The following NMBR variants were observed in gnomAD, a reference collection of about 807,000 sequenced individuals.
The protein encoded by NMBR is neuromedin B receptor, also known as neuromedin-B receptor.
NMBR carries 16 observed loss-of-function variants against 20.5 expected under a neutral mutation model. That is an observed-to-expected ratio of 0.78 (90% confidence interval 0.53 to 1.19). The LOEUF is 1.19. Ranked by LOEUF, NMBR falls within the 50% of genes most tolerant of loss-of-function variation. The probability of loss-of-function intolerance (pLI) is 0.00; values close to 1 mark genes in which losing one functional copy is unlikely to be tolerated. For missense variants in NMBR, 582 were observed against 499.1 expected, an observed-to-expected ratio of 1.17 and a Z score of -1.58; for synonymous variants, 212 against 196.6, an observed-to-expected ratio of 1.08 and a Z score of -0.65.
At position 142,075,712 on chromosome 6, in the gene NMBR, T is replaced by C. The variant is rs754728630; in HGVS notation, c.1109A>G (p.Lys370Arg). ...TAAAACAGAATTGGTCACCATGTTC[T>C]TAGCATTGCTTTTCAGAGATGTCAT... ...VRMTSLKSNAKNMVTNSVLLN... is the reference protein window; with the variant it reads ...VRMTSLKSNARNMVTNSVLLN... The change falls in exon 4 of 4, where the codon AAG (lysine) becomes AGG (arginine). Residue 370 changes from lysine to arginine, a missense_variant. Transcript: ENST00000258042. 1.9e-6 allele frequency: 3 copies of C among 1,613,978 alleles called. No homozygotes were observed. Among genetic ancestry groups the C allele is most frequent in the African/African-American group, 2.7e-5 (2 of 75,052 alleles).
At chr6:142,080,806 G>A (rs1044519031) in intron 2 of NMBR, among the ~76,000 whole-genome samples, 1 of 152,100 alleles carries the variant, frequency 6.6e-6, no homozygotes, top group Non-Finnish European at 1.5e-5. Flanking sequence ...AGGGCAGAGA[G>A]GTTATCACTA....
intron 2 of NMBR, among the ~76,000 whole-genome samples, chr6:142,083,283 T>C (rs1298482743): frequency 6.6e-6 from 1 of 152,210 alleles, no homozygotes; most frequent in East Asian, 1.9e-4. Context: ...TATATAAAAA[T>C]AACAGAGAAT....
intron 1 of NMBR, among the ~76,000 whole-genome samples, chr6:142,129,978 C>T (rs944774390): frequency 6.6e-6 from 1 of 152,090 alleles, no homozygotes; most frequent in South Asian, 2.1e-4. Context: ...CACATTAATG[C>T]CATTCATTTA....
intron 1 of NMBR, among the ~76,000 whole-genome samples, chr6:142,138,960 G>A (rs1324197768): frequency 4.6e-5 from 7 of 152,098 alleles, no homozygotes; most frequent in Admixed American, 4.6e-4. Flanking sequence ...GGCCAGTTTT[G>A]CCCCAATACT....
chr6:142,126,572 A>G (rs1778041837), intron 1 of NMBR, among the ~76,000 whole-genome samples: 1 of 151,610 alleles, frequency 6.6e-6, no homozygotes, highest in Non-Finnish European at 1.5e-5. Context: ...TTACCAACAC[A>G]TCTTTTATTT....
intron 1 of NMBR, among the ~76,000 whole-genome samples, chr6:142,144,816 G>A (rs547240418): frequency 7.2e-5 from 11 of 152,010 alleles, no homozygotes; most frequent in African/African-American, 9.7e-5. Context: ...TTGGGAGGCC[G>A]AGGCAGGAGT....
At chr6:142,082,816 C>T (rs1252201224) in intron 2 of NMBR, among the ~76,000 whole-genome samples, 2 of 152,190 alleles carry the variant, frequency 1.3e-5, no homozygotes, top group African/African-American at 2.4e-5. Context: ...AGACATCATT[C>T]TTCTTTTGCA....
chr6:142,122,868 G>T (rs563203035), intron 1 of NMBR, among the ~76,000 whole-genome samples: 5 of 151,822 alleles, frequency 3.3e-5, no homozygotes, highest in Non-Finnish European at 5.9e-5. Flanking sequence ...ATTGCTCATT[G>T]ACAGTGCACC....
intron 2 of NMBR, among the ~76,000 whole-genome samples, chr6:142,082,820 T>C (rs1777125674): frequency 6.6e-6 from 1 of 152,208 alleles, no homozygotes; most frequent in Admixed American, 6.5e-5. Context: ...ATCATTCTTC[T>C]TTTGCAAATA....
At chr6:142,110,037 G>A (rs1777732779) in intron 1 of NMBR, among the ~76,000 whole-genome samples, 1 of 152,100 alleles carries the variant, frequency 6.6e-6, no homozygotes, top group South Asian at 2.1e-4. Context: ...AATGAACTAA[G>A]ACAGATGGCT....
At chr6:142,120,096 T>C (rs1777919238) in intron 1 of NMBR, among the ~76,000 whole-genome samples, 1 of 151,968 alleles carries the variant, frequency 6.6e-6, no homozygotes. Context: ...AAGAACATTA[T>C]TGAGAACCAC....
intron 1 of NMBR, among the ~76,000 whole-genome samples, chr6:142,095,553 G>A (rs996613846): frequency 6.6e-6 from 1 of 152,154 alleles, no homozygotes; most frequent in Admixed American, 6.5e-5. Flanking sequence ...GATTCGGTTT[G>A]CTAGTATTTC....
At chr6:142,095,725 T>A (rs1777436348) in intron 1 of NMBR, among the ~76,000 whole-genome samples, 1 of 152,186 alleles carries the variant, frequency 6.6e-6, no homozygotes, top group Non-Finnish European at 1.5e-5. Flanking sequence ...TCAGAAGGGA[T>A]GGTATCAGTT....
chr6:142,126,750 T>C (rs1393914664), intron 1 of NMBR, among the ~76,000 whole-genome samples: 8 of 144,928 alleles, frequency 5.5e-5, no homozygotes, highest in African/African-American at 2.0e-4. Context: ...GTCAGGTTAT[T>C]TGAGGGATTT....
intron 1 of NMBR, among the ~76,000 whole-genome samples, chr6:142,139,509 T>A (rs2114613981): frequency 6.6e-6 from 1 of 152,334 alleles, no homozygotes; most frequent in Admixed American, 6.5e-5. Flanking sequence ...TGGAGCTCTC[T>A]CGCTTTTCCA....
intron 1 of NMBR, among the ~76,000 whole-genome samples, chr6:142,110,759 G>A (rs1777748503): frequency 6.6e-6 from 1 of 152,134 alleles, no homozygotes. Flanking sequence ...TTAACTAAAG[G>A]AAGAAAGAGA....
chr6:142,124,366 T>C (rs972366757), intron 1 of NMBR, among the ~76,000 whole-genome samples: 2 of 151,898 alleles, frequency 1.3e-5, no homozygotes, highest in Non-Finnish European at 2.9e-5. Flanking sequence ...AGAGTGAAAA[T>C]ATTGTTTTTA....
At chr6:142,089,963 C>T (rs1421858003) in intron 1 of NMBR, among the ~76,000 whole-genome samples, 1 of 152,134 alleles carries the variant, frequency 6.6e-6, no homozygotes, top group South Asian at 2.1e-4. Context: ...AAATTACTAA[C>T]TTATTTTTTC....
At chr6:142,125,624 A>AT (rs1238856366) in intron 1 of NMBR, among the ~76,000 whole-genome samples, 1 of 151,868 alleles carries the variant, frequency 6.6e-6, no homozygotes, top group Admixed American at 6.6e-5. Flanking sequence ...GATGCTCAAC[A>AT]TTTATTCAAA....
Sources: allele counts gnomAD v4.1 joint callset (sites outside exome capture counted in the v4.1 genomes callset), GRCh38; gene constraint gnomAD v4.1.1; transcripts MANE v1.5; gene names NCBI Gene and HGNC (gene_info 2026-07-23, HGNC 2026-07-21).